The following TRIM27 variants were observed in gnomAD, a reference collection of about 807,000 sequenced individuals.
TRIM27 encodes the protein tripartite motif containing 27.
A neutral mutation model predicts 57.6 loss-of-function variants in TRIM27; 12 were observed. The observed-to-expected ratio is 0.21, with a 90% CI of 0.13 to 0.34. The LOEUF is 0.34. Among genes scored for constraint, TRIM27 ranks in the 10% least tolerant of loss-of-function variants. The pLI is 1.00. For synonymous variants in TRIM27, 266 were observed against 259.0 expected (o/e 1.03, Z -0.26); for missense variants, 403 against 656.8 (o/e 0.61, Z 4.22).
rs375798734 is a variant in TRIM27 at position 28,909,768 on chromosome 6, G to A, written c.771-680C>T. On this transcript the variant is annotated intron_variant, in intron 4 of 7. Coordinates refer to ENST00000377199, the MANE Select transcript of TRIM27 (RefSeq NM_006510.5). ...AAAGAATGACATGTTCAGATAGAAA[G>A]GCACTGTGGGGGACATTACCCAATT... Among the ~76,000 whole-genome samples the A allele has an allele frequency of 2.1e-4, 32 of 152,280 alleles. No homozygotes were observed. In the South Asian group the frequency reaches 5.6e-3, roughly 27 times the overall value.
chr6:28,911,727 G>C lies in TRIM27; in HGVS notation c.748-9C>G, dbSNP rs1262715288. 4 of 1,607,396 alleles carry C rather than the reference G, an allele frequency of 2.5e-6. No individual in the cohort carries two copies. The highest frequency in any genetic ancestry group is 3.4e-6 in the Non-Finnish European group (4 of 1,177,810). ...AATGTGTCCCCAATGTCCTGCAAGA[G>C]AAAGGAAAAAAAATAACCATGAGAA... On this transcript the variant is annotated splice_polypyrimidine_tract_variant and intron_variant, in intron 3 of 7. Transcript: ENST00000377199.
chr6:28,908,691 T>C (rs1218397777), intron 6 of TRIM27, 117 bp downstream of exon 6: 12 of 856,940 alleles, frequency 1.4e-5, no homozygotes, highest in Admixed American at 5.4e-5. Context: ...AGATGTAAAA[T>C]ATCAGGGAAG....
chr6:28,921,616 A>C (rs889444786), intron 2 of TRIM27, among the ~76,000 whole-genome samples: 3 of 152,174 alleles, frequency 2.0e-5, no homozygotes, highest in Non-Finnish European at 4.4e-5. Context: ...TACCTATCTC[A>C]GCTTTGCCAA....
In TRIM27 at chr6:28,913,084, C is replaced by T. The variant is rs113254066; in HGVS notation, c.748-1366G>A. 2.7e-3 allele frequency among the ~76,000 whole-genome samples: 403 copies of T among 151,784 alleles called. 4 individuals carry two copies. Among genetic ancestry groups the T allele is most frequent in the African/African-American group, 8.9e-3 (368 of 41,376 alleles). ...CAGACTGGCCAACATGGAGAAACCCCGTCTCTACTAAAAATACAAAATTAG... is the reference window on the plus strand; with the variant it reads ...CAGACTGGCCAACATGGAGAAACCCTGTCTCTACTAAAAATACAAAATTAG... On this transcript the variant is annotated intron_variant, in intron 3 of 7. Coordinates refer to ENST00000377199, the MANE Select transcript of TRIM27 (RefSeq NM_006510.5).
intron 4 of TRIM27, among the ~76,000 whole-genome samples, chr6:28,911,125 C>T (rs1204326890): frequency 6.6e-6 from 1 of 152,116 alleles, no homozygotes; most frequent in African/African-American, 2.4e-5. Flanking sequence ...ATCCATCCTG[C>T]AAAACAACTT....
At chr6:28,912,893 T>C (rs1223479809) in intron 3 of TRIM27, among the ~76,000 whole-genome samples, 2 of 152,216 alleles carry the variant, frequency 1.3e-5, no homozygotes, top group South Asian at 4.1e-4. Context: ...GGGATATCCA[T>C]CACATCGTTA....
chr6:28,918,701 C>A (rs1173794272), intron 3 of TRIM27, among the ~76,000 whole-genome samples: 2 of 151,880 alleles, frequency 1.3e-5, no homozygotes, highest in African/African-American at 4.8e-5. Flanking sequence ...TATGGTGAAA[C>A]CCCGTCTCTA....
At position 28,911,379 on chromosome 6, in the gene TRIM27, A is replaced by C. The variant is rs908434712; in HGVS notation, c.770+317T>G. Reference sequence around the variant, plus strand: ...GATAATGAAGGGGGAAAGGATTCTGAAATGTATAGGAAGCAATAGACATAA... The same window carrying C: ...GATAATGAAGGGGGAAAGGATTCTGCAATGTATAGGAAGCAATAGACATAA... On this transcript the variant is annotated intron_variant, in intron 4 of 7. Transcript: ENST00000377199. The C allele has an allele frequency of 2.7e-5, 8 of 301,572 alleles. No homozygotes were observed. The East Asian group carries it at 2.7e-4, about 10-fold the overall frequency. 18.7% of individuals were successfully genotyped at this position (301,572 alleles called of 1,614,324 possible). A position where few individuals can be genotyped will look rare whatever the true frequency, so the allele number is the denominator to read the frequency against.
chr6:28,920,486 T>C lies in TRIM27; in HGVS notation c.517-244A>G, dbSNP rs531190682. On this transcript the variant is annotated intron_variant, in intron 2 of 7. Transcript: ENST00000377199. ...AGAGAAGTGAGTCAGGTTCATATGA[T>C]ATACATAGTCATGGATGGGTAATTA... 4.6e-3 allele frequency among the ~76,000 whole-genome samples: 695 copies of C among 152,272 alleles called. 5 individuals carry two copies. Among genetic ancestry groups the C allele is most frequent in the Non-Finnish European group, 6.8e-3 (465 of 68,028 alleles).
rs1440660933 is a variant in TRIM27, at chr6:28,923,202, C to T, written c.420+11G>A. Reference sequence around the variant, plus strand: ...ACTCGCGCTCCCGCCCTCCCGGATCCGCGCCCTCACCTTGAAGCCCTCCAC... The same window carrying T: ...ACTCGCGCTCCCGCCCTCCCGGATCTGCGCCCTCACCTTGAAGCCCTCCAC... On this transcript the variant is annotated intron_variant, in intron 1 of 7. Transcript: ENST00000377199. The T allele has an allele frequency of 6.5e-7, 1 of 1,544,784 alleles. No homozygotes were observed. The highest frequency in any genetic ancestry group is 8.8e-7 in the Non-Finnish European group (1 of 1,141,172).
chr6:28,920,106 G>A lies in TRIM27; in HGVS notation c.653C>T (p.Ala218Val). 1 of 1,614,202 alleles carries A rather than the reference G, an allele frequency of 6.2e-7. No homozygotes were observed. Among genetic ancestry groups the A allele is most frequent in the Non-Finnish European group, 8.5e-7 (1 of 1,180,038 alleles). ...GATGTTGCAAGAGAACTGGGTGATG[G>A]CACCATTGATGCTATTGTAGATGGC... ...DLAIYNSINGAITQFSCNISH... is the reference protein window; with the variant it reads ...DLAIYNSINGVITQFSCNISH... Residue 218 changes from alanine (A) to valine (V), a missense_variant, in exon 3 of 8, where the codon GCC becomes GTC. Coordinates refer to ENST00000377199, the MANE Select transcript of TRIM27 (RefSeq NM_006510.5).
Position 28,903,810 on chromosome 6 carries a change from G to A in TRIM27, c.*260C>T, listed in dbSNP as rs966377870. The stretch of plus-strand genomic sequence containing the variant: ...CCATACTCTTTATCCCTCCAGCGAT[G>A]TGTAAAACCAGAAAGTATGAAACAC... On this transcript the variant is annotated 3_prime_UTR_variant, in exon 8 of 8. Coordinates refer to ENST00000377199, the MANE Select transcript of TRIM27 (RefSeq NM_006510.5). The A allele has an allele frequency of 1.1e-5, 6 of 541,660 alleles. No homozygotes were observed. Among genetic ancestry groups the A allele is most frequent in the Non-Finnish European group, 2.0e-5 (6 of 304,954 alleles). 33.6% of individuals were successfully genotyped at this position (541,660 alleles called of 1,614,324 possible). A position where few individuals can be genotyped will look rare whatever the true frequency, so the allele number is the denominator to read the frequency against.
intron 3 of TRIM27, among the ~76,000 whole-genome samples, chr6:28,913,465 A>G (rs933243586): frequency 2.6e-5 from 4 of 151,714 alleles, no homozygotes; most frequent in Non-Finnish European, 5.9e-5. Flanking sequence ...AAAAATTGTT[A>G]ATTCTAACTG....
chr6:28,910,469 A>T (rs1394730259), intron 4 of TRIM27, among the ~76,000 whole-genome samples: 1 of 152,170 alleles, frequency 6.6e-6, no homozygotes, highest in African/African-American at 2.4e-5. Context: ...AGCTGGGATT[A>T]CAGGCATGCA....
rs146604309 is a variant in TRIM27, at chr6:28,907,335, G to C, written c.920-73C>G. The C allele has an allele frequency of 1.5e-5, 22 of 1,486,934 alleles. No homozygotes were observed. The African/African-American group carries it at 2.9e-4, about 20-fold the overall frequency. The allele number at this position is 1,486,934 out of a possible 1,614,324, so 92.1% of individuals were successfully genotyped here. A position where few individuals can be genotyped will look rare whatever the true frequency, so the allele number is the denominator to read the frequency against. The stretch of plus-strand genomic sequence containing the variant: ...GAAATACATAACTAAGGGGGCTTTG[G>C]TTAGTCATCATAAAGCAGTGGTCTC... On this transcript the variant is annotated intron_variant, in intron 6 of 7. Coordinates refer to ENST00000377199, the MANE Select transcript of TRIM27 (RefSeq NM_006510.5).
Position 28,921,981 on chromosome 6 carries a change from T to C in TRIM27, c.427A>G (p.Ile143Val), listed in dbSNP as rs1350395588. Residue 143 changes from isoleucine to valine, a missense_variant, in exon 2 of 8, where the codon ATC (isoleucine) becomes GTC (valine). Ile to Val is a conservative substitution (Grantham distance 29, BLOSUM62 3). Coordinates refer to ENST00000377199, the MANE Select transcript of TRIM27 (RefSeq NM_006510.5). ...TTTAAATGGTCGAGCTGGTTCTGGATTTGCTCCTGAGAAAAGCAAAACAGA... is the reference window on the plus strand; with the variant it reads ...TTTAAATGGTCGAGCTGGTTCTGGACTTGCTCCTGAGAAAAGCAAAACAGA... Reference protein sequence around the residue: ...EEAVEGFKEQIQNQLDHLKRV... With the variant: ...EEAVEGFKEQVQNQLDHLKRV... 2 of 1,613,012 alleles carry C rather than the reference T, an allele frequency of 1.2e-6. No individual in the cohort carries two copies. Among genetic ancestry groups the C allele is most frequent in the Non-Finnish European group, 1.7e-6 (2 of 1,179,988 alleles).
intron 2 of TRIM27, among the ~76,000 whole-genome samples, chr6:28,920,529 T>C (rs990450438): frequency 4.6e-5 from 7 of 152,148 alleles, no homozygotes; most frequent in East Asian, 1.9e-4. Flanking sequence ...GGTGACAGCC[T>C]GCAATGAAAG....
intron 7 of TRIM27, chr6:28,906,976 G>A (rs974197501): frequency 8.5e-6 from 4 of 472,948 alleles, no homozygotes; most frequent in Non-Finnish European, 1.5e-5. Flanking sequence ...TTGGGGAACT[G>A]CGGTTTCCAC....
chr6:28,907,061 G>C (rs1311994063), intron 7 of TRIM27, 175 bp downstream of exon 7: 1 of 584,894 alleles, frequency 1.7e-6, no homozygotes, highest in East Asian at 2.9e-5. Flanking sequence ...AGGAGGCAAA[G>C]ATACTGTTAA....
Sources: gnomAD v4.1 joint callset for allele counts (sites outside exome capture counted in the v4.1 genomes callset) on GRCh38, gnomAD v4.1.1 for gene constraint, MANE v1.5 for transcripts, NCBI Gene and HGNC (gene_info 2026-07-23, HGNC 2026-07-21) for gene names.